Variants in SUSD3 observed in about 807,000 individuals in gnomAD.
The protein encoded by SUSD3 is sushi domain containing 3, also known as sushi domain-containing protein 3.
In SUSD3, 18 loss-of-function variants were observed where a neutral mutation model predicts 20.6. The ratio of observed to expected loss-of-function variants is 0.87; its 90% CI spans 0.60 to 1.30. SUSD3 has a LOEUF of 1.30. Among genes scored for constraint, SUSD3 ranks in the 50% most tolerant of loss-of-function variants. The pLI is 0.00. For missense variants in SUSD3, 306 were observed against 346.9 expected, an observed-to-expected ratio of 0.88 and a Z score of 0.94; for synonymous variants, 137 against 141.5, an observed-to-expected ratio of 0.97 and a Z score of 0.23.
chr9:93,084,980 A>G lies in SUSD3; in HGVS notation c.*233A>G. On this transcript the variant is annotated 3_prime_UTR_variant, in exon 5 of 5. Transcript: ENST00000375472. The stretch of plus-strand genomic sequence containing the variant: ...CCTGGCCGTAACGATTTTTATAGTT[A>G]TGGACTACTTGAAACCACTACTGAG... 2.4e-6 allele frequency: 1 copy of G among 410,296 alleles called. No homozygotes were observed. Among genetic ancestry groups the G allele is most frequent in the Non-Finnish European group, 4.3e-6 (1 of 233,202 alleles). 25.4% of individuals were successfully genotyped at this position (410,296 alleles called of 1,614,324 possible).
At chr9:93,064,651 G>GCT (rs1825637276) in intron 1 of SUSD3, among the ~76,000 whole-genome samples, 1 of 152,218 alleles carries the variant, frequency 6.6e-6, no homozygotes, top group South Asian at 2.1e-4. Context: ...CTAGTCATGA[G>GCT]CTCCCCACAG....
intron 2 of SUSD3, among the ~76,000 whole-genome samples, chr9:93,077,095 G>A (rs1335100492): frequency 2.6e-5 from 4 of 152,244 alleles, no homozygotes; most frequent in African/African-American, 4.8e-5. Flanking sequence ...TGTTCTCTAC[G>A]TGGGGGAGTA....
chr9:93,076,277 C>G (rs571950446), intron 2 of SUSD3, among the ~76,000 whole-genome samples: 1 of 152,060 alleles, frequency 6.6e-6, no homozygotes, highest in South Asian at 2.1e-4. Context: ...TGAGCCAGCA[C>G]GTTTTCATCT....
At position 93,058,737 on chromosome 9, in the gene SUSD3, C is replaced by G; in HGVS notation, c.-6C>G. On this transcript the variant is annotated 5_prime_UTR_variant, in exon 1 of 5. Transcript: ENST00000375472. ...AGACCCCGCCAAGCGCCTCGGAGCG[C>G]GCAGGATGCGCTGGGCGGCCGCCAC... The G allele has an allele frequency of 8.1e-7, 1 of 1,233,068 alleles. No individual in the cohort carries two copies. 76.4% of individuals were successfully genotyped at this position (1,233,068 alleles called of 1,614,324 possible). A position where few individuals can be genotyped will look rare whatever the true frequency, so the allele number is the denominator to read the frequency against.
At chr9:93,069,465 T>A (rs1010398173) in intron 1 of SUSD3, among the ~76,000 whole-genome samples, 1 of 152,256 alleles carries the variant, frequency 6.6e-6, no homozygotes, top group African/African-American at 2.4e-5. Context: ...GAGCATAGGA[T>A]GTTTTCCCAT....
Position 93,075,989 on chromosome 9 carries a change from C to A in SUSD3, c.277+17C>A. ...TGTGCAAACGTAAGGACCCCTCTCTCAGCTCGGTGGCTCTGGGGGTGGGGG... is the reference window on the plus strand; with the variant it reads ...TGTGCAAACGTAAGGACCCCTCTCTAAGCTCGGTGGCTCTGGGGGTGGGGG... On this transcript the variant is annotated intron_variant, in intron 2 of 4. Coordinates refer to ENST00000375472, the MANE Select transcript of SUSD3 (RefSeq NM_145006.4). 6.4e-7 allele frequency: 1 copy of A among 1,569,298 alleles called. No individual in the cohort carries two copies. Among genetic ancestry groups the A allele is most frequent in the Non-Finnish European group, 8.7e-7 (1 of 1,151,666 alleles).
chr9:93,072,260 AC>A (rs1421136855), intron 1 of SUSD3, among the ~76,000 whole-genome samples: 4 of 151,826 alleles, frequency 2.6e-5, no homozygotes, highest in Non-Finnish European at 5.9e-5. Flanking sequence ...GTCTGCCTCA[AC>A]CCCTCCTGAG....
intron 1 of SUSD3, among the ~76,000 whole-genome samples, chr9:93,059,247 T>C (rs1013041293): frequency 6.6e-6 from 1 of 152,182 alleles, no homozygotes. Flanking sequence ...TCTCTGCGCC[T>C]GAGGGAGGTG....
chr9:93,065,346 A>G (rs774007221), intron 1 of SUSD3, among the ~76,000 whole-genome samples: 1 of 152,226 alleles, frequency 6.6e-6, no homozygotes, highest in African/African-American at 2.4e-5. Flanking sequence ...TTATTTTTAA[A>G]GAATGAATTC....
At chr9:93,060,081 G>A (rs560342075) in intron 1 of SUSD3, among the ~76,000 whole-genome samples, 8 of 152,212 alleles carry the variant, frequency 5.3e-5, no homozygotes, top group Non-Finnish European at 8.8e-5. Flanking sequence ...CCCAAGGTCA[G>A]CCCAAGGCCA....
intron 3 of SUSD3, among the ~76,000 whole-genome samples, chr9:93,078,328 A>T (rs557836222): frequency 5.2e-4 from 79 of 152,178 alleles, no homozygotes; most frequent in African/African-American, 1.9e-3. Context: ...GCGTGATCTC[A>T]GCTCACTGCA....
At chr9:93,081,735 C>T (rs555151077) in intron 4 of SUSD3, among the ~76,000 whole-genome samples, 14 of 152,222 alleles carry the variant, frequency 9.2e-5, no homozygotes, top group African/African-American at 3.1e-4. Flanking sequence ...AGGATGTAGC[C>T]GAAATGCTGC....
chr9:93,062,082 G>T (rs984778463), intron 1 of SUSD3, among the ~76,000 whole-genome samples: 1 of 152,234 alleles, frequency 6.6e-6, no homozygotes, highest in Non-Finnish European at 1.5e-5. Context: ...GGCCTCACAG[G>T]CTGGGAGGAT....
At chr9:93,076,188 G>A (rs7046192) in intron 2 of SUSD3, among the ~76,000 whole-genome samples, 7 of 151,968 alleles carry the variant, frequency 4.6e-5, no homozygotes, top group Non-Finnish European at 7.4e-5. Flanking sequence ...AGCACGGACC[G>A]AAAACCTAGT....
intron 4 of SUSD3, among the ~76,000 whole-genome samples, 181 bp downstream of exon 4, chr9:93,079,783 G>A (rs1826335404): frequency 6.6e-6 from 1 of 152,046 alleles, no homozygotes; most frequent in African/African-American, 2.4e-5. Flanking sequence ...ACTCTGTCCT[G>A]ACTCTGACAT....
In SUSD3 at chr9:93,078,563, G is replaced by A. The variant is rs143403982; in HGVS notation, c.425+570G>A. On this transcript the variant is annotated intron_variant, in intron 3 of 4. Coordinates refer to ENST00000375472, the MANE Select transcript of SUSD3 (RefSeq NM_145006.4). ...AGGCGTGAGCCACCGCGCCCGGCCCGTTTTATTCTTAAACCTGCACACATA... is the reference window on the plus strand; with the variant it reads ...AGGCGTGAGCCACCGCGCCCGGCCCATTTTATTCTTAAACCTGCACACATA... 5.3e-5 allele frequency among the ~76,000 whole-genome samples: 8 copies of A among 151,160 alleles called. No homozygotes were observed. In the East Asian group the frequency reaches 1.0e-3, roughly 19 times the overall value.
At chr9:93,066,163 C>A (rs994139130) in intron 1 of SUSD3, among the ~76,000 whole-genome samples, 1 of 152,242 alleles carries the variant, frequency 6.6e-6, no homozygotes, top group African/African-American at 2.4e-5. Flanking sequence ...CCCTCCTCTG[C>A]AGCCTCCTCA....
intron 3 of SUSD3, among the ~76,000 whole-genome samples, chr9:93,078,841 C>G (rs2118992798): frequency 6.6e-6 from 1 of 152,022 alleles, no homozygotes; most frequent in South Asian, 2.1e-4. Flanking sequence ...ACTCTGTCGC[C>G]CAGGCTGGAG....
In SUSD3 at chr9:93,073,733, GAC is replaced by G. The variant is rs200940974; in HGVS notation, c.89-2044_89-2043del. Among the ~76,000 whole-genome samples the G allele has an allele frequency of 2.2e-4, 33 of 152,292 alleles. 1 individual carries two copies. In the East Asian group the frequency reaches 4.8e-3, roughly 22 times the overall value. ...AGACAACTCAGATGCAGGGAACAGG[GAC>G]ACACACTGAGGCCCATCTGCACAAT... is the stretch of plus-strand genomic sequence containing the variant. On this transcript the variant is annotated intron_variant, in intron 1 of 4. Transcript: ENST00000375472.
Sources: gnomAD v4.1 joint callset for allele counts (sites outside exome capture counted in the v4.1 genomes callset) on GRCh38, gnomAD v4.1.1 for gene constraint, MANE v1.5 for transcripts, NCBI Gene and HGNC (gene_info 2026-07-23, HGNC 2026-07-21) for gene names.